The following UGT1A8 variants were observed in gnomAD, a reference collection of about 807,000 sequenced individuals.
The protein encoded by UGT1A8 is UDP-glucuronosyltransferase 1A8.
Under a neutral mutation model 45.3 loss-of-function variants are expected in UGT1A8, and 39 were observed. The ratio of observed to expected loss-of-function variants is 0.86; its 90% CI spans 0.67 to 1.12. The LOEUF is 1.12. UGT1A8 is among the 50% of genes most tolerant of loss of function. The pLI is 0.00. For missense variants in UGT1A8, 719 were observed against 664.9 expected, an observed-to-expected ratio of 1.08 and a Z score of -0.90; for synonymous variants, 275 against 249.2, an observed-to-expected ratio of 1.10 and a Z score of -0.97.
chr2:233,757,535 A>AATATATATACATATAT (rs376887521), intron 1 of UGT1A8, among the ~76,000 whole-genome samples: 314 of 87,900 alleles, frequency 3.6e-3, no homozygotes, highest in Non-Finnish European at 5.4e-3. Context: ...GCCTGTAAGG[A>AATATATATACATATAT]ATATATATAT....
intron 1 of UGT1A8, among the ~76,000 whole-genome samples, chr2:233,753,898 C>T (rs1695337682): frequency 6.6e-6 from 1 of 152,234 alleles, no homozygotes; most frequent in Non-Finnish European, 1.5e-5. Context: ...AAGGAACATG[C>T]TTCTTACACC....
rs762333166 is a variant in UGT1A8, at chr2:233,617,684, G to C, written c.-24G>C. 6.3e-7 allele frequency: 1 copy of C among 1,599,564 alleles called. No homozygotes were observed. Among genetic ancestry groups the C allele is most frequent in the Non-Finnish European group, 8.5e-7 (1 of 1,171,782 alleles). ...ATCATAGCAGCTTAGAATCCCAGCT[G>C]CTGGCTCGGGCTGCAGTTCTCTCAT... is the stretch of plus-strand genomic sequence containing the variant. On this transcript the variant is annotated 5_prime_UTR_variant, in exon 1 of 5. Transcript: ENST00000373450.
At chr2:233,647,604 T>C (rs1247719475) in intron 1 of UGT1A8, among the ~76,000 whole-genome samples, 2 of 152,230 alleles carry the variant, frequency 1.3e-5, no homozygotes, top group Non-Finnish European at 2.9e-5. Context: ...AATTTCTTCT[T>C]GTGTAAAGTC....
intron 1 of UGT1A8, chr2:233,755,811 GA>G (rs2125938248): frequency 6.6e-6 from 1 of 152,252 alleles, no homozygotes; most frequent in East Asian, 1.9e-4. Flanking sequence ...GATTAAAACA[GA>G]ATTAAAAAGA....
At chr2:233,722,242 C>G (rs1184629735) in intron 1 of UGT1A8, among the ~76,000 whole-genome samples, 1 of 152,204 alleles carries the variant, frequency 6.6e-6, no homozygotes, top group Non-Finnish European at 1.5e-5. Context: ...CATGTATTAT[C>G]TGTGACAGAC....
intron 1 of UGT1A8, chr2:233,648,850 G>A (rs1206847839): frequency 8.5e-7 from 1 of 1,182,542 alleles, no homozygotes; most frequent in Non-Finnish European, 1.2e-6. Context: ...TTTCAAAAAT[G>A]CCTTAAACAT....
At chr2:233,706,143 A>ACC (rs2075890975) in intron 1 of UGT1A8, among the ~76,000 whole-genome samples, 1 of 152,234 alleles carries the variant, frequency 6.6e-6, no homozygotes, top group African/African-American at 2.4e-5. Context: ...TATTAAACAA[A>ACC]GCATGAGAAC....
intron 1 of UGT1A8, among the ~76,000 whole-genome samples, chr2:233,724,565 G>A (rs1428948283): frequency 3.9e-5 from 5 of 129,268 alleles, no homozygotes; most frequent in Non-Finnish European, 6.5e-5. Context: ...CAGATGGGGC[G>A]GCGGGGCAGA....
At chr2:233,636,614 T>C (rs779125986) in intron 1 of UGT1A8, 4 of 1,614,028 alleles carry the variant, frequency 2.5e-6, no homozygotes, top group Non-Finnish European at 3.4e-6. Flanking sequence ...CTGCTGGTAG[T>C]GCCCATGGAT....
At chr2:233,713,778 A>G (rs1288878856) in intron 1 of UGT1A8, 1 of 1,613,946 alleles carries the variant, frequency 6.2e-7, no homozygotes, top group East Asian at 2.2e-5. Flanking sequence ...GGACTTTGTG[A>G]TGGATTACCC....
rs888574084 is a variant in UGT1A8 at position 233,700,593 on chromosome 2, C to A, written c.856-66441C>A. 9.9e-5 allele frequency among the ~76,000 whole-genome samples: 15 copies of A among 152,184 alleles called. No homozygotes were observed. In the South Asian group the frequency reaches 2.3e-3, roughly 23 times the overall value. Reference sequence around the variant, plus strand: ...TATTATGATGCAATTTATTATGATACAATTCACTCTTTTTTTGGGGGGGTT... The same window carrying A: ...TATTATGATGCAATTTATTATGATAAAATTCACTCTTTTTTTGGGGGGGTT... On this transcript the variant is annotated intron_variant, in intron 1 of 4. Transcript: ENST00000373450.
chr2:233,694,976 T>C (rs553347188), intron 1 of UGT1A8, among the ~76,000 whole-genome samples: 122 of 152,352 alleles, frequency 8.0e-4, no homozygotes, highest in African/African-American at 2.9e-3. Flanking sequence ...ATTCCTTCCT[T>C]ATGTTGGGAA....
rs551344346 is a variant in UGT1A8, at chr2:233,629,192, T to C, written c.855+10630T>C. Among the ~76,000 whole-genome samples, 25 of 152,310 alleles carry C rather than the reference T, an allele frequency of 1.6e-4. No homozygotes were observed. In the South Asian group the frequency reaches 5.0e-3, roughly 30 times the overall value. ...CTACGTATCTGACTATTTTAGATACTTCATATAAGTAGAATCATACAGCAT... is the reference window on the plus strand; with the variant it reads ...CTACGTATCTGACTATTTTAGATACCTCATATAAGTAGAATCATACAGCAT... On this transcript the variant is annotated intron_variant, in intron 1 of 4. Coordinates refer to ENST00000373450, the MANE Select transcript of UGT1A8 (RefSeq NM_019076.5).
chr2:233,673,373 C>G (rs1253792522), intron 1 of UGT1A8, among the ~76,000 whole-genome samples: 2 of 151,950 alleles, frequency 1.3e-5, no homozygotes, highest in African/African-American at 4.8e-5. Flanking sequence ...AGTTTTTAAC[C>G]AATTAATATT....
At chr2:233,629,452 T>TGGTTTAACCA (rs1052735049) in intron 1 of UGT1A8, among the ~76,000 whole-genome samples, 33 of 152,300 alleles carry the variant, frequency 2.2e-4, no homozygotes, top group African/African-American at 7.9e-4. Flanking sequence ...CTTGCATTCC[T>TGGTTTAACCA]AGGATAAACC....
intron 1 of UGT1A8, among the ~76,000 whole-genome samples, chr2:233,629,785 A>G (rs1003914321): frequency 1.3e-5 from 2 of 152,164 alleles, no homozygotes; most frequent in African/African-American, 2.4e-5. Flanking sequence ...AATTACAAAT[A>G]CAAATTCAAT....
At chr2:233,729,450 G>A (rs1394250627) in intron 1 of UGT1A8, 1 of 1,614,082 alleles carries the variant, frequency 6.2e-7, no homozygotes, top group Admixed American at 1.7e-5. Flanking sequence ...ATTTTCTGAA[G>A]AAATTTTTCA....
intron 1 of UGT1A8, chr2:233,730,140 A>G (rs1239984500): frequency 2.3e-5 from 35 of 1,523,880 alleles, no homozygotes; most frequent in Non-Finnish European, 2.7e-5. Flanking sequence ...TCAGTGAGAT[A>G]AACTGTTAAG....
intron 1 of UGT1A8, among the ~76,000 whole-genome samples, chr2:233,652,012 C>A (rs1157837037): frequency 6.6e-6 from 1 of 152,152 alleles, no homozygotes; most frequent in Admixed American, 6.5e-5. Context: ...AAAGGAATCA[C>A]TGCCAGGCTT....
Sources: allele counts gnomAD v4.1 joint callset (sites outside exome capture counted in the v4.1 genomes callset), GRCh38; gene constraint gnomAD v4.1.1; transcripts MANE v1.5; gene names NCBI Gene and HGNC (gene_info 2026-07-23, HGNC 2026-07-21).